The following LIMD1 variants were observed in gnomAD, a reference collection of about 807,000 sequenced individuals.
LIMD1 encodes the protein LIM domain containing 1.
LIMD1 carries 23 observed loss-of-function variants against 58.4 expected under a neutral mutation model. The observed-to-expected ratio is 0.39, with a 90% CI of 0.28 to 0.56. LIMD1 has a LOEUF of 0.56. LIMD1 is among the 20% of genes least tolerant of loss of function. LIMD1 has a pLI of 0.57. For synonymous variants in LIMD1, 334 were observed against 345.5 expected (o/e 0.97, Z 0.37); for missense variants, 838 against 855.5 (o/e 0.98, Z 0.25).
intron 1 of LIMD1, among the ~76,000 whole-genome samples, chr3:45,613,810 T>G (rs1701551956): frequency 6.6e-6 from 1 of 152,180 alleles, no homozygotes. Flanking sequence ...TACAAGTCTT[T>G]GTATAGACAC....
At chr3:45,633,250 C>T (rs941014496) in intron 1 of LIMD1, among the ~76,000 whole-genome samples, 4 of 152,096 alleles carry the variant, frequency 2.6e-5, no homozygotes, top group African/African-American at 9.7e-5. Flanking sequence ...ATTTCATGGC[C>T]ATTAAAGAGA....
chr3:45,608,054 A>G (rs1701485589), intron 1 of LIMD1, among the ~76,000 whole-genome samples: 1 of 152,244 alleles, frequency 6.6e-6, no homozygotes, highest in African/African-American at 2.4e-5. Context: ...AATTGGGGGC[A>G]GCTCAGCTGC....
At chr3:45,618,064 A>C (rs1396051499) in intron 1 of LIMD1, among the ~76,000 whole-genome samples, 2 of 151,988 alleles carry the variant, frequency 1.3e-5, no homozygotes, top group South Asian at 2.1e-4. Context: ...GGGGCACCTC[A>C]CTGCCTGAGG....
chr3:45,653,317 G>A (rs1436858850), intron 2 of LIMD1, among the ~76,000 whole-genome samples: 1 of 152,220 alleles, frequency 6.6e-6, no homozygotes, highest in Non-Finnish European at 1.5e-5. Flanking sequence ...AGGTAGGGAT[G>A]CTGGCAACAG....
rs1341708284 is a variant in LIMD1, at chr3:45,685,548, A to T, written c.*8489A>T. 1 of 152,170 alleles carries T rather than the reference A, an allele frequency of 6.6e-6. No individual in the cohort carries two copies. The highest frequency in any genetic ancestry group is 2.4e-5 in the African/African-American group (1 of 41,422). 9.4% of individuals were successfully genotyped at this position (152,170 alleles called of 1,614,324 possible). On this transcript the variant is annotated 3_prime_UTR_variant, in exon 8 of 8. Coordinates refer to ENST00000273317, the MANE Select transcript of LIMD1 (RefSeq NM_014240.3). ...GGGTAAAAGCATCATAAGGACTAGA[A>T]ATGGGGTCTTCTTGTTGCTAATTAG...
At chr3:45,644,433 G>A (rs909647695) in intron 2 of LIMD1, among the ~76,000 whole-genome samples, 1 of 152,170 alleles carries the variant, frequency 6.6e-6, no homozygotes, top group Non-Finnish European at 1.5e-5. Flanking sequence ...GTCTGCTTCT[G>A]TAAAACAGTC....
At chr3:45,674,166 T>A (rs1338071325) in intron 6 of LIMD1, among the ~76,000 whole-genome samples, 177 bp from the exon 7 acceptor site, 2 of 152,172 alleles carry the variant, frequency 1.3e-5, no homozygotes, top group Admixed American at 1.3e-4. Flanking sequence ...CTACTTCCCC[T>A]CTCATCAGCT....
chr3:45,647,823 C>G (rs1443674894), intron 2 of LIMD1, among the ~76,000 whole-genome samples: 1 of 152,182 alleles, frequency 6.6e-6, no homozygotes, highest in Non-Finnish European at 1.5e-5. Flanking sequence ...CTATCCCCCT[C>G]CTCCGCTGCC....
intron 1 of LIMD1, among the ~76,000 whole-genome samples, chr3:45,618,795 T>C (rs72880793): frequency 6.6e-6 from 1 of 152,024 alleles, no homozygotes; most frequent in Admixed American, 6.6e-5. Flanking sequence ...AAACCCACTG[T>C]TTACAGTTCC....
chr3:45,614,061 A>G (rs1701553911), intron 1 of LIMD1, among the ~76,000 whole-genome samples: 1 of 152,044 alleles, frequency 6.6e-6, no homozygotes, highest in Non-Finnish European at 1.5e-5. Context: ...CGCTTGGCTG[A>G]TACCCTCCCA....
At chr3:45,660,711 C>T (rs868487328) in intron 2 of LIMD1, among the ~76,000 whole-genome samples, 1 of 152,174 alleles carries the variant, frequency 6.6e-6, no homozygotes, top group Non-Finnish European at 1.5e-5. Context: ...CCACCGCGCC[C>T]GGCCAGGTGG....
Position 45,595,696 on chromosome 3 carries a change from C to T in LIMD1, c.817C>T (p.Pro273Ser). The T allele has an allele frequency of 6.2e-7, 1 of 1,614,160 alleles. No homozygotes were observed. Among genetic ancestry groups the T allele is most frequent in the Non-Finnish European group, 8.5e-7 (1 of 1,180,038 alleles). Reference protein sequence around the residue: ...WSTASSQRVSPGLPSPNLENG... With the variant: ...WSTASSQRVSSGLPSPNLENG... ...CACTGCCTCCTCCCAGCGGGTGAGC[C>T]CTGGCCTGCCTTCCCCAAACTTGGA... Residue 273 changes from proline to serine, a missense_variant, in exon 1 of 8, where the codon CCT (proline) becomes TCT (serine). This residue lies in a region of LIMD1 where 659 missense variants were observed against 639.8 expected (regional missense o/e 1.03). Coordinates refer to ENST00000273317, the MANE Select transcript of LIMD1 (RefSeq NM_014240.3).
Position 45,595,461 on chromosome 3 carries a change from A to G in LIMD1, c.582A>G (p.Pro194=). 1 of 1,613,920 alleles carries G rather than the reference A, an allele frequency of 6.2e-7. No individual in the cohort carries two copies. Among genetic ancestry groups the G allele is most frequent in the African/African-American group, 1.3e-5 (1 of 75,044 alleles). Reference sequence around the variant, plus strand: ...CAAGCCCAAAGTGGGGTGACAAACCAGGAGTGTCCCCCAGCATCGGCCTGA... The same window carrying G: ...CAAGCCCAAAGTGGGGTGACAAACCGGGAGTGTCCCCCAGCATCGGCCTGA... ...SLASPKWGDK[P]GVSPSIGLSV... is the part of the protein sequence containing the mutation. The change falls in exon 1 of 8, where the codon CCA becomes CCG. Residue 194 remains proline (P), a synonymous_variant. Transcript: ENST00000273317.
chr3:45,655,415 G>C (rs892449216), intron 2 of LIMD1, among the ~76,000 whole-genome samples: 1 of 152,180 alleles, frequency 6.6e-6, no homozygotes, highest in African/African-American at 2.4e-5. Context: ...ATGTAACACT[G>C]ACACTCCCAC....
chr3:45,653,299 G>A (rs567642310), intron 2 of LIMD1, among the ~76,000 whole-genome samples: 2 of 152,316 alleles, frequency 1.3e-5, no homozygotes, highest in South Asian at 2.1e-4. Flanking sequence ...TTGAGGAAAC[G>A]GAAGGTCAGG....
chr3:45,622,821 C>G (rs927820195), intron 1 of LIMD1, among the ~76,000 whole-genome samples: 1 of 152,078 alleles, frequency 6.6e-6, no homozygotes, highest in African/African-American at 2.4e-5. Flanking sequence ...GGCGTGGCTA[C>G]TGCACCTGGC....
chr3:45,598,464 A>G (rs1701378544), intron 1 of LIMD1, among the ~76,000 whole-genome samples: 1 of 152,254 alleles, frequency 6.6e-6, no homozygotes, highest in African/African-American at 2.4e-5. Context: ...CATCAGAGCA[A>G]CGGTATTAGC....
chr3:45,615,646 C>T (rs1311481723), intron 1 of LIMD1, among the ~76,000 whole-genome samples: 4 of 151,812 alleles, frequency 2.6e-5, no homozygotes, highest in Non-Finnish European at 5.9e-5. Flanking sequence ...GTTCCAGCTA[C>T]TTTGGAGGCT....
Position 45,686,222 on chromosome 3 carries a change from CT to C in LIMD1, c.*9164del, listed in dbSNP as rs900861717. On this transcript the variant is annotated 3_prime_UTR_variant, in exon 8 of 8. Transcript: ENST00000273317. ...AAAATTGTTTTAACTAGACCCCCCC[CT>C]CCCCTTTCTAAACCAAAGTATAAAA... The C allele has an allele frequency of 5.9e-5, 9 of 151,978 alleles. No homozygotes were observed. The highest frequency in any genetic ancestry group is 1.9e-4 in the African/African-American group (8 of 41,348). 9.4% of individuals were successfully genotyped at this position (151,978 alleles called of 1,614,324 possible). A position where few individuals can be genotyped will look rare whatever the true frequency, so the allele number is the denominator to read the frequency against.
Sources: gnomAD v4.1 joint callset for allele counts (sites outside exome capture counted in the v4.1 genomes callset) on GRCh38, gnomAD v4.1.1 for gene constraint, gnomAD v4.1.1 regional missense constraint, MANE v1.5 for transcripts, NCBI Gene and HGNC (gene_info 2026-07-23, HGNC 2026-07-21) for gene names.